The following SLC39A11 variants were observed in gnomAD, a reference collection of about 807,000 sequenced individuals.
SLC39A11 encodes solute carrier family 39 member 11, also known as zinc transporter ZIP11.
SLC39A11 carries 33 observed loss-of-function variants against 36.1 expected under a neutral mutation model. The ratio of observed to expected loss-of-function variants is 0.91; its 90% CI spans 0.69 to 1.22. SLC39A11 has a LOEUF of 1.22. Among genes scored for constraint, SLC39A11 ranks in the 50% most tolerant of loss-of-function variants. The probability of loss-of-function intolerance (pLI) is 0.00; values close to 1 mark genes in which losing one functional copy is unlikely to be tolerated. For missense variants in SLC39A11, 432 were observed against 430.3 expected (o/e 1.00, Z -0.03); for synonymous variants, 166 against 170.3 (o/e 0.97, Z 0.20).
At chr17:72,968,719 TGTAAG>T (rs1274440102) in intron 4 of SLC39A11, among the ~76,000 whole-genome samples, 2 of 152,120 alleles carry the variant, frequency 1.3e-5, no homozygotes, top group African/African-American at 2.4e-5. Flanking sequence ...TTGACTCCTG[TGTAAG>T]AAAAATGCAG....
At chr17:72,793,218 T>C (rs1048041576) in intron 6 of SLC39A11, among the ~76,000 whole-genome samples, 3 of 152,068 alleles carry the variant, frequency 2.0e-5, no homozygotes, top group African/African-American at 4.8e-5. Flanking sequence ...ACAAAGGCTA[T>C]TGTACACCCT....
intron 5 of SLC39A11, among the ~76,000 whole-genome samples, chr17:72,913,156 A>G (rs1347008357): frequency 2.6e-5 from 4 of 152,120 alleles, no homozygotes; most frequent in African/African-American, 9.6e-5. Context: ...AGGAGGTAAG[A>G]GGGCAGGAGG....
chr17:72,868,618 C>CAA (rs71354894), intron 5 of SLC39A11, among the ~76,000 whole-genome samples: 2,089 of 56,414 alleles, frequency 0.037, 25 homozygotes, highest in East Asian at 0.062. Context: ...CCTGTCTCTA[C>CAA]AAAAAAAAAA....
chr17:72,956,142 G>A (rs1425110072), intron 4 of SLC39A11, among the ~76,000 whole-genome samples: 2 of 152,168 alleles, frequency 1.3e-5, no homozygotes, highest in East Asian at 1.9e-4. Context: ...TTCCAGCTTC[G>A]TCCCCATCAC....
chr17:72,725,213 G>C (rs921185745), intron 7 of SLC39A11, among the ~76,000 whole-genome samples: 3 of 152,148 alleles, frequency 2.0e-5, no homozygotes, highest in Non-Finnish European at 2.9e-5. Flanking sequence ...CTGATTTTTG[G>C]GTGTCTGGAA....
At chr17:72,678,293 GT>G (rs919408222) in intron 7 of SLC39A11, among the ~76,000 whole-genome samples, 13 of 152,034 alleles carry the variant, frequency 8.6e-5, no homozygotes, top group South Asian at 4.2e-4. Flanking sequence ...TTTACAACGT[GT>G]TTTTTTTCCC....
At chr17:72,738,470 T>C (rs913506335) in intron 6 of SLC39A11, among the ~76,000 whole-genome samples, 1 of 152,106 alleles carries the variant, frequency 6.6e-6, no homozygotes, top group Non-Finnish European at 1.5e-5. Flanking sequence ...CTGTGGTACA[T>C]GGGCTTGCCA....
At chr17:72,901,736 C>A (rs2082402725) in intron 5 of SLC39A11, among the ~76,000 whole-genome samples, 1 of 152,148 alleles carries the variant, frequency 6.6e-6, no homozygotes, top group South Asian at 2.1e-4. Flanking sequence ...GAATGGGGTC[C>A]CCTCTAAGAT....
intron 5 of SLC39A11, among the ~76,000 whole-genome samples, chr17:72,897,855 C>T (rs2082109102): frequency 6.6e-6 from 1 of 152,064 alleles, no homozygotes; most frequent in African/African-American, 2.4e-5. Context: ...CAGTGGTATA[C>T]TGAGGGTAGT....
intron 3 of SLC39A11, among the ~76,000 whole-genome samples, chr17:73,062,673 T>C (rs1054576492): frequency 6.6e-6 from 1 of 152,106 alleles, no homozygotes; most frequent in African/African-American, 2.4e-5. Context: ...ATTTATTTCC[T>C]TTATGGCAGT....
chr17:72,972,386 G>A (rs1373018085), intron 4 of SLC39A11, among the ~76,000 whole-genome samples: 3 of 152,068 alleles, frequency 2.0e-5, no homozygotes, highest in East Asian at 3.9e-4. Flanking sequence ...GTGGTCTCCC[G>A]ATCCAATCGT....
intron 4 of SLC39A11, among the ~76,000 whole-genome samples, chr17:72,955,298 CTTTTTTTTTTT>C (rs71359751): frequency 1.5e-5 from 1 of 65,580 alleles, no homozygotes; most frequent in African/African-American, 6.0e-5. Context: ...TTTCAGTTCT[CTTTTTTTTTTT>C]TTTTTTTTTG....
chr17:72,863,988 A>G (rs1037054184), intron 5 of SLC39A11, among the ~76,000 whole-genome samples: 1 of 152,214 alleles, frequency 6.6e-6, no homozygotes, highest in African/African-American at 2.4e-5. Flanking sequence ...GAGTCACTGT[A>G]TAAACCACTG....
intron 6 of SLC39A11, among the ~76,000 whole-genome samples, chr17:72,842,750 T>G (rs1437434744): frequency 6.6e-6 from 1 of 152,170 alleles, no homozygotes; most frequent in Non-Finnish European, 1.5e-5. Flanking sequence ...CCCCCACAGA[T>G]GCACCCAGGC....
rs1420634772 is a variant in SLC39A11 at position 72,828,357 on chromosome 17, T to C, written c.601+21277A>G. Among the ~76,000 whole-genome samples the C allele has an allele frequency of 3.3e-5, 5 of 152,076 alleles. No individual in the cohort carries two copies. The East Asian group carries it at 9.6e-4, about 29-fold the overall frequency. On this transcript the variant is annotated intron_variant, in intron 6 of 9. Transcript: ENST00000255559. ...AATGCAAGAAAGATTCAACTGGGCA[T>C]TGCAGGGGAAAAGGGGACCATGAGC...
intron 4 of SLC39A11, among the ~76,000 whole-genome samples, chr17:72,961,358 T>C (rs1344596386): frequency 1.4e-5 from 2 of 146,464 alleles, no homozygotes; most frequent in East Asian, 3.9e-4. Flanking sequence ...AGACCAGAAA[T>C]ACCATTTGAC....
rs1399393088 is a variant in SLC39A11 at position 72,908,311 on chromosome 17, C to CT, written c.430+39440dup. 2.0e-5 allele frequency among the ~76,000 whole-genome samples: 3 copies of CT among 152,194 alleles called. No individual in the cohort carries two copies. In the East Asian group the frequency reaches 5.8e-4, roughly 29 times the overall value. ...AGATAAAGAATATTTTATCAGTATT[C>CT]TTTTGGTGGCAGGGAGCAATCCTGG... is the stretch of plus-strand genomic sequence containing the variant. On this transcript the variant is annotated intron_variant, in intron 5 of 9. Transcript: ENST00000255559.
At chr17:73,092,429 AC>A (rs2060957040) in intron 1 of SLC39A11, 181 bp downstream of exon 1, 1 of 28,058 alleles carries the variant, frequency 3.6e-5, no homozygotes, top group Non-Finnish European at 7.3e-5. Flanking sequence ...TCACCCTCCC[AC>A]CCCGCCCCGA....
At chr17:73,056,695 C>T (rs886558249) in intron 3 of SLC39A11, among the ~76,000 whole-genome samples, 7 of 152,036 alleles carry the variant, frequency 4.6e-5, no homozygotes, top group Admixed American at 1.3e-4. Flanking sequence ...GGGAAGGTTA[C>T]GAGAAGACAG....
Sources: gnomAD v4.1 joint callset for allele counts (sites outside exome capture counted in the v4.1 genomes callset) on GRCh38, gnomAD v4.1.1 for gene constraint, MANE v1.5 for transcripts, NCBI Gene and HGNC (gene_info 2026-07-23, HGNC 2026-07-21) for gene names.